EXOC4: variants seen among roughly 807,000 people sequenced by gnomAD.
EXOC4 encodes exocyst complex component 4.
EXOC4 carries 71 observed loss-of-function variants against 107.2 expected under a neutral mutation model. The ratio of observed to expected loss-of-function variants is 0.66; its 90% confidence interval spans 0.55 to 0.81. EXOC4 has a LOEUF of 0.81. EXOC4 is among the 30% of genes least tolerant of loss of function. The pLI, the probability that EXOC4 is intolerant of heterozygous loss-of-function variation, is 0.00. For missense variants in EXOC4, 1,108 were observed against 1,189.6 expected (o/e 0.93, Z 1.01); for synonymous variants, 456 against 441.2 (o/e 1.03, Z -0.42).
At chr7:133,544,830 C>A (rs1477655326) in intron 9 of EXOC4, among the ~76,000 whole-genome samples, 1 of 83,164 alleles carries the variant, frequency 1.2e-5, no homozygotes, top group Non-Finnish European at 2.7e-5. Flanking sequence ...GGTTTCCTTC[C>A]CTTTTTTTTT....
In EXOC4 at chr7:133,260,036, C is replaced by CT. The variant is rs60953641; in HGVS notation, c.86+6859dup. Among the ~76,000 whole-genome samples, 7 of 150,198 alleles carry CT rather than the reference C, an allele frequency of 4.7e-5. No homozygotes were observed. In the East Asian group the frequency reaches 5.8e-4, roughly 13 times the overall value. ...CCTTCTCTACCAGTTTTTTCCAGTA[C>CT]TTTTTTTTTTGTGTGTGTAAGGATA... is the stretch of plus-strand genomic sequence containing the variant. On this transcript the variant is annotated intron_variant, in intron 1 of 17. Coordinates refer to ENST00000253861, the MANE Select transcript of EXOC4 (RefSeq NM_021807.4).
intron 10 of EXOC4, among the ~76,000 whole-genome samples, chr7:133,791,167 G>A (rs746074372): frequency 7.9e-5 from 12 of 152,100 alleles, no homozygotes; most frequent in Non-Finnish European, 1.2e-4. Flanking sequence ...AACAGGAAGC[G>A]GGCAACTGAT....
Position 133,817,456 on chromosome 7 carries a change from A to G in EXOC4, c.1646A>G (p.Glu549Gly), listed in dbSNP as rs1168840799. 6.2e-7 allele frequency: 1 copy of G among 1,614,150 alleles called. No individual in the cohort carries two copies. The highest frequency in any genetic ancestry group is 1.7e-5 in the Admixed American group (1 of 60,020). Residue 549 changes from glutamate to glycine, a missense_variant, in exon 11 of 18, where the codon GAA becomes GGA. By Grantham distance (98) the Glu-to-Gly change is moderately conservative. Coordinates refer to ENST00000253861, the MANE Select transcript of EXOC4 (RefSeq NM_021807.4). ...TTGGCTGAGATCAACAAGGAGATTG[A>G]AGGAGTCACTAAAACATCTGACCCT... ...QVLAEINKEIEGVTKTSDPLK... is the reference protein window; with the variant it reads ...QVLAEINKEIGGVTKTSDPLK...
chr7:133,932,279 C>A (rs1800195248), intron 13 of EXOC4, among the ~76,000 whole-genome samples: 1 of 152,176 alleles, frequency 6.6e-6, no homozygotes, highest in South Asian at 2.1e-4. Context: ...ACTTAAAGAG[C>A]ACTGTCAAGG....
Position 133,473,673 on chromosome 7 carries a change from A to C in EXOC4, c.1183-1655A>C, listed in dbSNP as rs189276162. Among the ~76,000 whole-genome samples the C allele has an allele frequency of 1.7e-4, 25 of 150,520 alleles. No homozygotes were observed. In the East Asian group the frequency reaches 4.9e-3, roughly 29 times the overall value. On this transcript the variant is annotated intron_variant, in intron 7 of 17. Transcript: ENST00000253861. The stretch of plus-strand genomic sequence containing the variant: ...TCAGTGTGTCTTTATAGGCGAAGTG[A>C]GTTTCTTGAATGCACCAATATTACT...
intron 10 of EXOC4, among the ~76,000 whole-genome samples, chr7:133,736,613 A>G (rs188670415): frequency 6.6e-6 from 1 of 152,320 alleles, no homozygotes; most frequent in East Asian, 1.9e-4. Context: ...CCCTATGCCC[A>G]TAAATATTCA....
At chr7:133,422,491 T>TA (rs1706697012) in intron 7 of EXOC4, among the ~76,000 whole-genome samples, 1 of 152,200 alleles carries the variant, frequency 6.6e-6, no homozygotes, top group South Asian at 2.1e-4. Flanking sequence ...GTGCCTAACA[T>TA]AAGAGTTCTG....
At chr7:133,469,241 C>T (rs1055992453) in intron 7 of EXOC4, among the ~76,000 whole-genome samples, 2 of 152,062 alleles carry the variant, frequency 1.3e-5, no homozygotes, top group Non-Finnish European at 2.9e-5. Flanking sequence ...CACGGTGAAA[C>T]CCCATCTCTA....
intron 5 of EXOC4, among the ~76,000 whole-genome samples, chr7:133,331,176 C>T (rs915181757): frequency 2.1e-4 from 32 of 152,092 alleles, no homozygotes; most frequent in East Asian, 7.7e-4. Flanking sequence ...GATTAGCATC[C>T]GCTTAGCTTT....
At chr7:133,272,757 TAGG>T (rs149429474) in intron 1 of EXOC4, among the ~76,000 whole-genome samples, 3 of 152,160 alleles carry the variant, frequency 2.0e-5, no homozygotes, top group African/African-American at 4.8e-5. Context: ...AAAAGGAAAA[TAGG>T]AGGCAGAACC....
chr7:133,412,778 A>G (rs1441988206), intron 7 of EXOC4, among the ~76,000 whole-genome samples: 2 of 152,162 alleles, frequency 1.3e-5, no homozygotes, highest in African/African-American at 4.8e-5. Context: ...ATTCTGAATC[A>G]TATTAAAATT....
Position 133,843,777 on chromosome 7 carries a change from A to G in EXOC4, c.1734+26233A>G, listed in dbSNP as rs373995504. Among the ~76,000 whole-genome samples the G allele has an allele frequency of 1.4e-4, 21 of 152,248 alleles. No individual in the cohort carries two copies. In the East Asian group the frequency reaches 1.9e-3, roughly 14 times the overall value. On this transcript the variant is annotated intron_variant, in intron 11 of 17. Transcript: ENST00000253861. Reference sequence around the variant, plus strand: ...GGAAGGCTTCCAGCTTTGCTCATTCAGTATGATGTTGGCTGTGGGTTTGTC... The same window carrying G: ...GGAAGGCTTCCAGCTTTGCTCATTCGGTATGATGTTGGCTGTGGGTTTGTC...
chr7:133,523,439 CT>C (rs60649774), intron 9 of EXOC4, among the ~76,000 whole-genome samples: 5,324 of 143,230 alleles, frequency 0.037, 254 homozygotes, highest in African/African-American at 0.11. Context: ...CCTTTCAGTT[CT>C]TTTTTTTTTT....
intron 9 of EXOC4, among the ~76,000 whole-genome samples, chr7:133,566,389 A>T (rs1393701091): frequency 6.6e-6 from 1 of 152,160 alleles, no homozygotes; most frequent in Admixed American, 6.5e-5. Context: ...ATCTCATAGG[A>T]TTGTTGTGAG....
At chr7:134,035,643 A>T (rs938860640) in intron 17 of EXOC4, among the ~76,000 whole-genome samples, 1 of 151,982 alleles carries the variant, frequency 6.6e-6, no homozygotes, top group African/African-American at 2.4e-5. Context: ...GTTTTCTCTC[A>T]TCTAATATGA....
chr7:134,097,708 A>G, the EXOC4 span, among the ~76,000 whole-genome samples: 1 of 152,214 alleles, frequency 6.6e-6, no homozygotes, highest in Admixed American at 6.5e-5. Context: ...GAAACACCCA[A>G]GTTCCCAGAA....
In EXOC4 at chr7:133,630,625, G is replaced by A. The variant is rs188838149; in HGVS notation, c.1514+484G>A. 3.3e-5 allele frequency among the ~76,000 whole-genome samples: 5 copies of A among 152,128 alleles called. No individual in the cohort carries two copies. In the East Asian group the frequency reaches 9.7e-4, roughly 29 times the overall value. On this transcript the variant is annotated intron_variant, in intron 10 of 17. Coordinates refer to ENST00000253861, the MANE Select transcript of EXOC4 (RefSeq NM_021807.4). Reference sequence around the variant, plus strand: ...CAAAGCCTGAAATACTTATTTTCTGGCCCTTTACAGGAAAAAATTGCAAAC... The same window carrying A: ...CAAAGCCTGAAATACTTATTTTCTGACCCTTTACAGGAAAAAATTGCAAAC...
At chr7:133,660,557 G>A (rs1803416157) in intron 10 of EXOC4, among the ~76,000 whole-genome samples, 1 of 152,102 alleles carries the variant, frequency 6.6e-6, no homozygotes, top group South Asian at 2.1e-4. Context: ...TATAAGCCAT[G>A]GAAAAGAATT....
intron 10 of EXOC4, among the ~76,000 whole-genome samples, chr7:133,765,324 T>C (rs1796113846): frequency 6.6e-6 from 1 of 152,044 alleles, no homozygotes; most frequent in Admixed American, 6.6e-5. Flanking sequence ...TGGTTTAGAA[T>C]AACATGTATG....
Sources: allele counts gnomAD v4.1 joint callset (sites outside exome capture counted in the v4.1 genomes callset), GRCh38; gene constraint gnomAD v4.1.1; transcripts MANE v1.5; gene names NCBI Gene and HGNC (gene_info 2026-07-23, HGNC 2026-07-21).